Variants in LRP1B observed in about 807,000 individuals in gnomAD.
The protein encoded by LRP1B is LDL receptor related protein 1B, also known as low-density lipoprotein receptor-related protein 1B.
In LRP1B, 217 loss-of-function variants were observed where a neutral mutation model predicts 556.6. The ratio of observed to expected loss-of-function variants is 0.39; its 90% CI spans 0.35 to 0.44. The LOEUF (loss-of-function observed/expected upper bound fraction) is 0.44. Among genes scored for constraint, LRP1B ranks in the 20% least tolerant of loss-of-function variants. The pLI is 1.00. For missense variants in LRP1B, 5,053 were observed against 5,620.8 expected, an observed-to-expected ratio of 0.90 and a Z score of 3.23; for synonymous variants, 2,047 against 1,865.8, an observed-to-expected ratio of 1.10 and a Z score of -2.50.
Position 142,069,456 on chromosome 2 carries a change from T to A in LRP1B, c.82+61192A>T, listed in dbSNP as rs138024326. Among the ~76,000 whole-genome samples the A allele has an allele frequency of 1.1e-4, 16 of 145,834 alleles. No homozygotes were observed. The East Asian group carries it at 3.3e-3, about 30-fold the overall frequency. On this transcript the variant is annotated intron_variant, in intron 1 of 90. Transcript: ENST00000389484. Reference sequence around the variant, plus strand: ...GAATGATGACTTCAGAATTGGTTTGTCCAAAGAGACCTGACCAACAACAAC... The same window carrying A: ...GAATGATGACTTCAGAATTGGTTTGACCAAAGAGACCTGACCAACAACAAC...
At chr2:140,651,528 A>T (rs1290511998) in intron 41 of LRP1B, among the ~76,000 whole-genome samples, 1 of 31,044 alleles carries the variant, frequency 3.2e-5, no homozygotes. Context: ...ACAAAAATTA[A>T]AAAAAAAAAA....
chr2:140,436,608 CTT>C lies in LRP1B; in HGVS notation c.10414+5894_10414+5895del, dbSNP rs56972100. On this transcript the variant is annotated intron_variant, in intron 66 of 90. Coordinates refer to ENST00000389484, the MANE Select transcript of LRP1B (RefSeq NM_018557.3). ...TCTCCTATATTATACTGCTCACTGT[CTT>C]TTTTTTTTTTTTTTTAAATTGCCAG... is the stretch of plus-strand genomic sequence containing the variant. 3.3e-3 allele frequency among the ~76,000 whole-genome samples: 454 copies of C among 139,176 alleles called. 3 individuals are homozygous for C. The highest frequency in any genetic ancestry group is 7.7e-3 in the African/African-American group (296 of 38,232). 91.3% of individuals were successfully genotyped at this position (139,176 alleles called of 152,430 possible). A position where few individuals can be genotyped will look rare whatever the true frequency, so the allele number is the denominator to read the frequency against.
At chr2:140,893,597 A>G (rs1693862818) in intron 23 of LRP1B, among the ~76,000 whole-genome samples, 1 of 152,162 alleles carries the variant, frequency 6.6e-6, no homozygotes, top group South Asian at 2.1e-4. Flanking sequence ...AAGACTATTT[A>G]TCTGGTTTCT....
chr2:142,060,685 A>C (rs558380944), intron 1 of LRP1B, among the ~76,000 whole-genome samples: 2 of 152,160 alleles, frequency 1.3e-5, no homozygotes, highest in South Asian at 2.1e-4. Flanking sequence ...TACTCCACGA[A>C]AAAGTCTCTA....
chr2:141,745,314 C>A (rs1309848376), intron 2 of LRP1B, among the ~76,000 whole-genome samples: 1 of 152,116 alleles, frequency 6.6e-6, no homozygotes, highest in Non-Finnish European at 1.5e-5. Flanking sequence ...TTTCCAGGAG[C>A]CAGGGACTGA....
intron 2 of LRP1B, among the ~76,000 whole-genome samples, chr2:141,554,064 A>G (rs1393497449): frequency 2.1e-5 from 3 of 141,382 alleles, no homozygotes; most frequent in Non-Finnish European, 3.0e-5. Flanking sequence ...GATATAGATT[A>G]TATATCTATA....
intron 23 of LRP1B, among the ~76,000 whole-genome samples, chr2:140,894,168 C>T (rs1693879530): frequency 6.6e-6 from 1 of 152,196 alleles, no homozygotes; most frequent in South Asian, 2.1e-4. Context: ...CTCCCCAAGG[C>T]AGCAAATCTG....
At chr2:141,433,833 T>A (rs188413752) in intron 3 of LRP1B, among the ~76,000 whole-genome samples, 87 of 151,702 alleles carry the variant, frequency 5.7e-4, no homozygotes, top group African/African-American at 2.0e-3. Flanking sequence ...TCAGGTACTA[T>A]GTTTTTGAAT....
chr2:141,445,395 TG>T (rs1681150915), intron 3 of LRP1B, among the ~76,000 whole-genome samples: 1 of 152,234 alleles, frequency 6.6e-6, no homozygotes, highest in Admixed American at 6.5e-5. Context: ...ATTGAATTTT[TG>T]AAGGGTTTTT....
intron 55 of LRP1B, among the ~76,000 whole-genome samples, chr2:140,498,509 A>T (rs1689043716): frequency 6.6e-6 from 1 of 151,880 alleles, no homozygotes; most frequent in African/African-American, 2.4e-5. Context: ...TTTTACTGCA[A>T]ACATGCAAAT....
At chr2:140,878,862 C>G (rs1419496451) in intron 25 of LRP1B, among the ~76,000 whole-genome samples, 1 of 151,822 alleles carries the variant, frequency 6.6e-6, no homozygotes, top group Non-Finnish European at 1.5e-5. Flanking sequence ...GAAACATTGG[C>G]TGGGCGTGGT....
At chr2:141,042,768 C>T (rs1327823078) in intron 11 of LRP1B, among the ~76,000 whole-genome samples, 2 of 151,930 alleles carry the variant, frequency 1.3e-5, no homozygotes, top group East Asian at 3.9e-4. Context: ...TTATTGCTGT[C>T]ATTGATTTTA....
intron 1 of LRP1B, among the ~76,000 whole-genome samples, chr2:142,069,987 G>A (rs1356511636): frequency 6.6e-6 from 1 of 151,668 alleles, no homozygotes; most frequent in African/African-American, 2.4e-5. Flanking sequence ...GTTATTAAGT[G>A]AGCCATCATA....
chr2:140,705,416 T>G (rs935753907), intron 37 of LRP1B, among the ~76,000 whole-genome samples: 1 of 149,802 alleles, frequency 6.7e-6, no homozygotes. Context: ...CCCAGCTACC[T>G]GGGAGGCTGA....
intron 2 of LRP1B, among the ~76,000 whole-genome samples, chr2:141,793,749 A>G (rs534828997): frequency 6.6e-6 from 1 of 152,050 alleles, no homozygotes; most frequent in Admixed American, 6.6e-5. Context: ...TCTTCACTTT[A>G]TATTTGTTTT....
At chr2:141,241,568 C>T (rs1466030561) in intron 5 of LRP1B, among the ~76,000 whole-genome samples, 2 of 151,992 alleles carry the variant, frequency 1.3e-5, no homozygotes, top group East Asian at 1.9e-4. Flanking sequence ...ATTCTATTCA[C>T]CTTTGAATCT....
At position 140,772,604 on chromosome 2, in the gene LRP1B, C is replaced by G. The variant is rs375011934; in HGVS notation, c.5501-1598G>C. On this transcript the variant is annotated intron_variant, in intron 33 of 90. Transcript: ENST00000389484. ...GGATTACAGGATGAGTCACTGCCCC[C>G]AGCCTAGATTTATAATAGTTATATA... Among the ~76,000 whole-genome samples, 39 of 152,228 alleles carry G rather than the reference C, an allele frequency of 2.6e-4. No homozygotes were observed. The East Asian group carries it at 7.4e-3, about 29-fold the overall frequency.
chr2:141,265,785 T>G (rs1684864227), intron 3 of LRP1B, among the ~76,000 whole-genome samples: 1 of 152,196 alleles, frequency 6.6e-6, no homozygotes, highest in East Asian at 1.9e-4. Context: ...TTATGAATGA[T>G]GAGTAATTTA....
chr2:141,914,943 T>G (rs1320673417), intron 1 of LRP1B, among the ~76,000 whole-genome samples: 3 of 152,194 alleles, frequency 2.0e-5, no homozygotes, highest in Non-Finnish European at 4.4e-5. Context: ...ATCTATAGAT[T>G]CAATATTATT....
Sources: allele counts gnomAD v4.1 joint callset (sites outside exome capture counted in the v4.1 genomes callset), GRCh38; gene constraint gnomAD v4.1.1; transcripts MANE v1.5; gene names NCBI Gene and HGNC (gene_info 2026-07-23, HGNC 2026-07-21).